The following ABCA12 variants were observed in gnomAD, a reference collection of about 807,000 sequenced individuals.
The protein encoded by ABCA12 is glucosylceramide transporter ABCA12.
ABCA12 carries 156 observed loss-of-function variants against 293.5 expected under a neutral mutation model. The observed-to-expected ratio is 0.53, with a 90% CI of 0.47 to 0.61. The LOEUF (loss-of-function observed/expected upper bound fraction) is 0.61, where lower values mean the gene tolerates loss of function less well. Ranked by LOEUF, ABCA12 falls within the 20% of genes least tolerant of loss-of-function variation. The pLI is 0.00. For missense variants in ABCA12, 2,797 were observed against 3,090.2 expected, an observed-to-expected ratio of 0.91 and a Z score of 2.25; for synonymous variants, 1,063 against 1,108.0, an observed-to-expected ratio of 0.96 and a Z score of 0.81.
intron 9 of ABCA12, among the ~76,000 whole-genome samples, chr2:215,027,742 G>A (rs188367952): frequency 1.7e-4 from 26 of 152,274 alleles, no homozygotes; most frequent in Admixed American, 1.5e-3. Context: ...AAGCTAGGGG[G>A]CTAGATGATC....
chr2:215,089,197 AT>A (rs992746373), intron 2 of ABCA12, among the ~76,000 whole-genome samples: 2 of 149,426 alleles, frequency 1.3e-5, no homozygotes, highest in African/African-American at 4.9e-5. Context: ...GTTTTGCTTT[AT>A]TTTTTTTTCC....
In ABCA12 at chr2:215,004,210, G is replaced by A. The variant is rs552554246; in HGVS notation, c.2682C>T (p.Leu894=). The A allele has an allele frequency of 8.7e-6, 14 of 1,613,158 alleles. No individual in the cohort carries two copies. The highest frequency in any genetic ancestry group is 4.5e-5 in the East Asian group (2 of 44,854). The change falls in exon 20 of 53, where the codon CTC becomes CTT. Residue 894 remains leucine, a splice_region_variant and synonymous_variant. Transcript: ENST00000272895. The part of the protein sequence containing the change: ...AVELLKQIDE[L]DILRLKLENN... ...AAAGCTTTGTGAATTTGGACTCACCGAGTTCATCTATCTGTTTCAATAGTT... is the reference window on the plus strand; with the variant it reads ...AAAGCTTTGTGAATTTGGACTCACCAAGTTCATCTATCTGTTTCAATAGTT...
At chr2:214,970,551 AAAG>A (rs1699365138) in intron 36 of ABCA12, 151 bp from the exon 37 acceptor site, 2 of 820,978 alleles carry the variant, frequency 2.4e-6, no homozygotes, top group Non-Finnish European at 3.9e-6. Context: ...GAGCTTTGAA[AAAG>A]AAGTCATCTC....
chr2:215,013,160 A>G (rs1700413027), intron 15 of ABCA12: 1 of 152,204 alleles, frequency 6.6e-6, no homozygotes, highest in African/African-American at 2.4e-5. Context: ...ACTTTGATCT[A>G]TTAGGAGGAA....
intron 23 of ABCA12, among the ~76,000 whole-genome samples, chr2:214,993,854 T>C (rs1321839825): frequency 1.3e-5 from 2 of 152,182 alleles, no homozygotes; most frequent in Admixed American, 1.3e-4. Flanking sequence ...ATTCATAGGC[T>C]TGTTAAAAGA....
intron 2 of ABCA12, among the ~76,000 whole-genome samples, chr2:215,066,212 A>C (rs896480600): frequency 6.6e-6 from 1 of 152,110 alleles, no homozygotes; most frequent in African/African-American, 2.4e-5. Context: ...TGTTACACAG[A>C]TCTCCACTGT....
intron 11 of ABCA12, chr2:215,023,517 C>A (rs934380150): frequency 5.3e-5 from 8 of 152,186 alleles, no homozygotes; most frequent in Non-Finnish European, 1.0e-4. Context: ...TTTTTAGCCC[C>A]AGTCCCATCC....
intron 5 of ABCA12, chr2:215,050,953 TAGAAATTTC>T: frequency 2.0e-5 from 7 of 353,504 alleles, no homozygotes; most frequent in Non-Finnish European, 2.4e-5. Flanking sequence ...TATCCATACA[TAGAAATTTC>T]ATTTTTGGCT....
intron 1 of ABCA12, among the ~76,000 whole-genome samples, chr2:215,132,256 T>C (rs1703075851): frequency 6.6e-6 from 1 of 152,096 alleles, no homozygotes; most frequent in South Asian, 2.1e-4. Flanking sequence ...TAGGTCCTTT[T>C]GCTCCACAGT....
chr2:215,134,305 C>CGTATATGTGTATATAT (rs1703131666), intron 1 of ABCA12, among the ~76,000 whole-genome samples: 1 of 126,882 alleles, frequency 7.9e-6, no homozygotes, highest in Non-Finnish European at 1.7e-5. Context: ...TACATATATA[C>CGTATATGTGTATATAT]GTATATGTGT....
At chr2:215,057,894 A>C (rs371175030) in intron 3 of ABCA12, among the ~76,000 whole-genome samples, 2 of 152,142 alleles carry the variant, frequency 1.3e-5, no homozygotes, top group African/African-American at 4.8e-5. Flanking sequence ...CTTACATCGT[A>C]CCTACCATAT....
chr2:214,957,136 G>A (rs190503982), intron 41 of ABCA12, among the ~76,000 whole-genome samples: 3 of 152,238 alleles, frequency 2.0e-5, no homozygotes, highest in Admixed American at 1.3e-4. Flanking sequence ...TCAAAGTATT[G>A]ATTTCGTTTT....
At chr2:214,987,822 A>C (rs1699820887) in intron 26 of ABCA12, 29 bp from the exon 27 acceptor site, 1 of 1,610,132 alleles carries the variant, frequency 6.2e-7, no homozygotes. Context: ...AGGAACAGTG[A>C]GTTTTAGTTG....
intron 52 of ABCA12, 74 bp from the exon 53 acceptor site, chr2:214,932,815 C>A: frequency 9.9e-7 from 1 of 1,006,786 alleles, no homozygotes; most frequent in Non-Finnish European, 1.6e-6. Context: ...TTCATTCTCT[C>A]TCTCTCCCCT....
chr2:215,052,355 AAAG>A, intron 5 of ABCA12, 129 bp downstream of exon 5: 1 of 731,228 alleles, frequency 1.4e-6, no homozygotes, highest in South Asian at 1.5e-5. Flanking sequence ...GTTCCTAAGA[AAAG>A]AAGTTGCCTG....
rs543071346 is a variant in ABCA12, at chr2:214,934,182, G to A, written c.7576C>T (p.Pro2526Ser). ...QHLSMLEYHV[P>S]VTAGGVANIF... ...TTTGCGACTCCTCCTGCTGTGACTG[G>A]TACATGATACTCTAGCATGCTGAGG... The change falls in exon 52 of 53, where the codon CCA (proline) becomes TCA (serine). Residue 2526 changes from proline to serine, a missense_variant. Pro to Ser is a moderately conservative substitution (Grantham distance 74, BLOSUM62 -1). Around this residue, in one of 3 missense-constraint regions of ABCA12, gnomAD observed 2,130 missense variants for 2,427.0 expected, o/e 0.88. Coordinates refer to ENST00000272895, the MANE Select transcript of ABCA12 (RefSeq NM_173076.3). 2 of 1,613,726 alleles carry A rather than the reference G, an allele frequency of 1.2e-6. No individual in the cohort carries two copies. The highest frequency in any genetic ancestry group is 1.3e-5 in the African/African-American group (1 of 74,970).
At chr2:215,004,609 T>C (rs1291832879) in intron 19 of ABCA12, among the ~76,000 whole-genome samples, 1 of 152,220 alleles carries the variant, frequency 6.6e-6, no homozygotes, top group East Asian at 1.9e-4. Flanking sequence ...CATGGCTATA[T>C]TATTCCTTTT....
chr2:215,071,197 AAATAAAAT>A (rs1225108242), intron 2 of ABCA12, among the ~76,000 whole-genome samples: 1 of 15,124 alleles, frequency 6.6e-5, no homozygotes, highest in Non-Finnish European at 1.1e-4. Flanking sequence ...ATCCTGTCTC[AAATAAAAT>A]AAAATAAAAT....
chr2:215,061,095 G>A (rs1319214610), intron 3 of ABCA12, among the ~76,000 whole-genome samples: 1 of 152,048 alleles, frequency 6.6e-6, no homozygotes, highest in East Asian at 1.9e-4. Context: ...ATTCTGAGAG[G>A]CAGTGTAAGG....
Sources: allele counts gnomAD v4.1 joint callset (sites outside exome capture counted in the v4.1 genomes callset), GRCh38; gene constraint gnomAD v4.1.1; regional missense constraint gnomAD v4.1.1; transcripts MANE v1.5; gene names NCBI Gene and HGNC (gene_info 2026-07-23, HGNC 2026-07-21).